USP48: variants seen among roughly 807,000 people sequenced by gnomAD.
USP48 encodes the protein ubiquitin carboxyl-terminal hydrolase 48.
A neutral mutation model predicts 150.7 loss-of-function variants in USP48; 43 were observed. The ratio of observed to expected loss-of-function variants is 0.29; its 90% CI spans 0.22 to 0.37. The LOEUF (loss-of-function observed/expected upper bound fraction) is 0.37, where lower values mean the gene tolerates loss of function less well. USP48 is among the 10% of genes least tolerant of loss of function. USP48 has a pLI of 1.00. For missense variants in USP48, 813 were observed against 1,249.6 expected (o/e 0.65, Z 5.27); for synonymous variants, 396 against 425.9 (o/e 0.93, Z 0.86).
chr1:21,768,604 C>T (rs1010873782), intron 1 of USP48: 1 of 152,134 alleles, frequency 6.6e-6, no homozygotes, highest in African/African-American at 2.4e-5. Context: ...ACTGTTTTAT[C>T]ATGGCTACCT....
intron 9 of USP48, 65 bp downstream of exon 9, chr1:21,736,381 T>C (rs2097769020): frequency 7.0e-7 from 1 of 1,426,580 alleles, no homozygotes; most frequent in Non-Finnish European, 9.4e-7. Flanking sequence ...TAATAATTTA[T>C]CACAAATATT....
chr1:21,750,320 C>G (rs2097806794), intron 6 of USP48, among the ~76,000 whole-genome samples: 1 of 152,134 alleles, frequency 6.6e-6, no homozygotes. Flanking sequence ...ACACTCTTCT[C>G]CTTGTTTCTA....
At chr1:21,758,178 A>G (rs2097841534) in intron 1 of USP48, among the ~76,000 whole-genome samples, 1 of 127,642 alleles carries the variant, frequency 7.8e-6, no homozygotes. Context: ...GTACTATGCA[A>G]CTGTAAAACA....
chr1:21,688,658 A>G (rs2097586131), intron 24 of USP48, among the ~76,000 whole-genome samples: 1 of 151,576 alleles, frequency 6.6e-6, no homozygotes, highest in Non-Finnish European at 1.5e-5. Flanking sequence ...CTTGGCCAAC[A>G]CGGTGAAACC....
chr1:21,757,122 C>T (rs333208), intron 2 of USP48, among the ~76,000 whole-genome samples: 12 of 152,078 alleles, frequency 7.9e-5, no homozygotes, highest in Non-Finnish European at 1.5e-4. Context: ...TAAAGATTGG[C>T]GGTGGTAGAG....
rs1391619424 is a variant in USP48 at position 21,738,265 on chromosome 1, C to T, written c.992-1640G>A. Among the ~76,000 whole-genome samples the T allele has an allele frequency of 2.0e-5, 3 of 152,004 alleles. No individual in the cohort carries two copies. In the South Asian group the frequency reaches 6.2e-4, roughly 32 times the overall value. ...TAGAGACGGGGTTTCACCATGTTGG[C>T]CAGGCTAGTCTCGAACTCCTGACCT... On this transcript the variant is annotated intron_variant, in intron 8 of 26. Coordinates refer to ENST00000308271, the MANE Select transcript of USP48 (RefSeq NM_032236.8).
chr1:21,684,536 A>G (rs2097575544), intron 25 of USP48, among the ~76,000 whole-genome samples: 1 of 152,150 alleles, frequency 6.6e-6, no homozygotes, highest in Non-Finnish European at 1.5e-5. Context: ...TGCTGTGCAG[A>G]AGCTTTTTAG....
rs2097796239 is a variant in USP48 at position 21,747,047 on chromosome 1, C to T, written c.991+20G>A. On this transcript the variant is annotated intron_variant, in intron 8 of 26. Coordinates refer to ENST00000308271, the MANE Select transcript of USP48 (RefSeq NM_032236.8). Reference sequence around the variant, plus strand: ...GAGTCTCTGAGCATTATAATGTTTACTCCTCAGTAAAAATATTACCTTTAT... The same window carrying T: ...GAGTCTCTGAGCATTATAATGTTTATTCCTCAGTAAAAATATTACCTTTAT... The T allele has an allele frequency of 1.9e-6, 3 of 1,559,214 alleles. No homozygotes were observed. The highest frequency in any genetic ancestry group is 2.3e-5 in the South Asian group (2 of 87,164).
chr1:21,701,382 G>GAA, intron 22 of USP48, 116 bp downstream of exon 22: 1 of 519,702 alleles, frequency 1.9e-6, no homozygotes, highest in Non-Finnish European at 3.1e-6. Flanking sequence ...AAAAAAAAAA[G>GAA]AAAAAAAAAG....
At chr1:21,727,286 T>C (rs1161645760) in intron 11 of USP48, among the ~76,000 whole-genome samples, 1 of 152,156 alleles carries the variant, frequency 6.6e-6, no homozygotes, top group Non-Finnish European at 1.5e-5. Flanking sequence ...ACAATATAAG[T>C]TTACTGCAAA....
rs1257654818 is a variant in USP48 at position 21,697,435 on chromosome 1, G to A, written c.2728-2214C>T. Among the ~76,000 whole-genome samples, 8 of 152,260 alleles carry A rather than the reference G, an allele frequency of 5.3e-5. No individual in the cohort carries two copies. The South Asian group carries it at 8.3e-4, about 16-fold the overall frequency. The stretch of plus-strand genomic sequence containing the variant: ...TCCCAGCACTTTGGGAGGCCAAGGT[G>A]GGCGGATCACAAGGTCAGGAGATTG... On this transcript the variant is annotated intron_variant, in intron 22 of 26. Transcript: ENST00000308271.
chr1:21,752,775 C>G, intron 4 of USP48, 124 bp from the exon 5 acceptor site: 3 of 1,246,952 alleles, frequency 2.4e-6, no homozygotes, highest in Non-Finnish European at 3.2e-6. Context: ...CAAACAGGGG[C>G]TACAGCTATG....
intron 1 of USP48, among the ~76,000 whole-genome samples, chr1:21,767,509 G>A (rs112726935): frequency 7.2e-5 from 11 of 151,956 alleles, no homozygotes; most frequent in African/African-American, 2.7e-4. Flanking sequence ...ATTTTTAGTA[G>A]AGATGGAGTT....
In USP48 at chr1:21,771,133, C is replaced by T. The variant is rs573153537; in HGVS notation, c.134+11691G>A. 1.2e-3 allele frequency among the ~76,000 whole-genome samples: 179 copies of T among 151,396 alleles called. 1 individual carries two copies. The highest frequency in any genetic ancestry group is 1.5e-3 in the Non-Finnish European group (99 of 67,800). ...AGAGCAAGACTGTCTCAAAAAACAA[C>T]TAAAATACAAATAATTTTTTAAGTA... On this transcript the variant is annotated intron_variant, in intron 1 of 26. Transcript: ENST00000308271.
intron 1 of USP48, among the ~76,000 whole-genome samples, chr1:21,775,183 C>T (rs1473762449): frequency 6.6e-6 from 1 of 152,026 alleles, no homozygotes; most frequent in East Asian, 1.9e-4. Flanking sequence ...CAACCTCCAC[C>T]TCCCAAGCTT....
intron 11 of USP48, among the ~76,000 whole-genome samples, chr1:21,725,466 C>A (rs926216074): frequency 2.0e-5 from 3 of 152,046 alleles, no homozygotes; most frequent in Non-Finnish European, 2.9e-5. Context: ...AAAGAGGAGA[C>A]CTTGGCTGGG....
intron 23 of USP48, among the ~76,000 whole-genome samples, chr1:21,693,014 T>C (rs1024815657): frequency 2.6e-5 from 4 of 152,080 alleles, no homozygotes; most frequent in African/African-American, 9.7e-5. Context: ...ATGAAAACCC[T>C]GTTGCTATCA....
chr1:21,709,546 C>T (rs542946118), intron 15 of USP48, among the ~76,000 whole-genome samples: 7 of 151,112 alleles, frequency 4.6e-5, no homozygotes, highest in East Asian at 1.9e-4. Context: ...AAGAACTCCA[C>T]GGCAACTACA....
At chr1:21,731,093 C>T (rs991535374) in intron 9 of USP48, among the ~76,000 whole-genome samples, 1 of 151,872 alleles carries the variant, frequency 6.6e-6, no homozygotes, top group Non-Finnish European at 1.5e-5. Flanking sequence ...GCTTGGTACA[C>T]AAGTATTTGT....
Sources: allele counts gnomAD v4.1 joint callset (sites outside exome capture counted in the v4.1 genomes callset), GRCh38; gene constraint gnomAD v4.1.1; transcripts MANE v1.5; gene names NCBI Gene and HGNC (gene_info 2026-07-23, HGNC 2026-07-21).